The following DCLK1 variants were observed in gnomAD, a reference collection of about 807,000 sequenced individuals.
The protein encoded by DCLK1 is serine/threonine-protein kinase DCLK1.
In DCLK1, 16 loss-of-function variants were observed where a neutral mutation model predicts 86.2. That is an observed-to-expected ratio of 0.19 (90% confidence interval 0.13 to 0.28). The LOEUF is 0.28. DCLK1 is among the 10% of genes least tolerant of loss of function. The probability of loss-of-function intolerance (pLI) is 1.00; values close to 1 mark genes in which losing one functional copy is unlikely to be tolerated. For synonymous variants in DCLK1, 369 were observed against 370.5 expected (o/e 1.00, Z 0.05); for missense variants, 590 against 940.2 (o/e 0.63, Z 4.87).
intron 3 of DCLK1, among the ~76,000 whole-genome samples, chr13:35,975,905 A>G (rs887900428): frequency 8.5e-5 from 13 of 152,118 alleles, no homozygotes; most frequent in African/African-American, 3.1e-4. Context: ...TCCACAATGC[A>G]CTACCAGCTG....
At chr13:35,997,782 G>A (rs1052921137) in intron 3 of DCLK1, among the ~76,000 whole-genome samples, 1 of 152,140 alleles carries the variant, frequency 6.6e-6, no homozygotes, top group Non-Finnish European at 1.5e-5. Context: ...ATTAACTACT[G>A]GCAATTGCTT....
At chr13:36,075,316 A>T (rs763435874) in intron 3 of DCLK1, among the ~76,000 whole-genome samples, 1 of 152,234 alleles carries the variant, frequency 6.6e-6, no homozygotes, top group Non-Finnish European at 1.5e-5. Flanking sequence ...GTTCTGATAC[A>T]TAATTACTAT....
intron 3 of DCLK1, among the ~76,000 whole-genome samples, chr13:36,045,350 A>G (rs868364457): frequency 6.3e-5 from 7 of 110,698 alleles, no homozygotes; most frequent in African/African-American, 2.9e-4. Flanking sequence ...ATATATATAT[A>G]TATATATATA....
Position 36,112,174 on chromosome 13 carries a change from G to A in DCLK1, c.418C>T (p.Leu140=). 1 of 1,604,954 alleles carries A rather than the reference G, an allele frequency of 6.2e-7. No homozygotes were observed. ...GGGTTCACATTCTTGGTGTACTCCA[G>A]TTTCTTGAAGGGCTCTATGGAGCCA... ...VCGSIEPFKK[L]EYTKNVNPNW... Residue 140 remains leucine (L), a synonymous_variant, in exon 3 of 17, where the codon CTG becomes TTG. Transcript: ENST00000360631.
chr13:36,129,529 A>T (rs990926520), intron 1 of DCLK1, among the ~76,000 whole-genome samples: 2 of 152,210 alleles, frequency 1.3e-5, no homozygotes, highest in Non-Finnish European at 2.9e-5. Flanking sequence ...TCCACACCCT[A>T]GTGTGCTGGT....
intron 3 of DCLK1, among the ~76,000 whole-genome samples, chr13:36,107,824 T>G (rs1885454466): frequency 6.6e-6 from 1 of 152,184 alleles, no homozygotes; most frequent in Non-Finnish European, 1.5e-5. Context: ...ACTTTTAGTC[T>G]TATTTTAAGC....
At chr13:35,952,312 G>T (rs1309506585) in intron 3 of DCLK1, among the ~76,000 whole-genome samples, 1 of 152,136 alleles carries the variant, frequency 6.6e-6, no homozygotes, top group African/African-American at 2.4e-5. Flanking sequence ...TGGGAATAAG[G>T]ATTCTATCAG....
chr13:35,991,653 C>T (rs555249878), intron 3 of DCLK1, among the ~76,000 whole-genome samples: 1 of 152,030 alleles, frequency 6.6e-6, no homozygotes, highest in Non-Finnish European at 1.5e-5. Flanking sequence ...AACAGACAGA[C>T]CTTATCTCAA....
intron 3 of DCLK1, among the ~76,000 whole-genome samples, chr13:36,095,425 C>T (rs7321632): frequency 0.2 from 29,725 of 151,714 alleles, 3,939 homozygotes; most frequent in East Asian, 0.37. Context: ...AGGCTGGTCT[C>T]GAACTCCTGA....
At chr13:35,906,416 A>T (rs912840235) in intron 4 of DCLK1, among the ~76,000 whole-genome samples, 1 of 152,282 alleles carries the variant, frequency 6.6e-6, no homozygotes, top group South Asian at 2.1e-4. Context: ...TAAGAAATAA[A>T]TTTAAAGAGC....
At chr13:36,015,110 A>G (rs888949362) in intron 3 of DCLK1, among the ~76,000 whole-genome samples, 1 of 151,756 alleles carries the variant, frequency 6.6e-6, no homozygotes, top group African/African-American at 2.4e-5. Context: ...TTCATTCACC[A>G]ATATATTTCC....
intron 4 of DCLK1, among the ~76,000 whole-genome samples, chr13:35,944,376 T>C (rs987029982): frequency 6.6e-6 from 1 of 152,182 alleles, no homozygotes; most frequent in African/African-American, 2.4e-5. Flanking sequence ...TACCCACCGC[T>C]GACACCCCTT....
At chr13:36,045,405 A>C (rs1882874475) in intron 3 of DCLK1, among the ~76,000 whole-genome samples, 2 of 132,948 alleles carry the variant, frequency 1.5e-5, no homozygotes, top group African/African-American at 5.4e-5. Context: ...ACATCAGTGA[A>C]CTTTCCCCTA....
intron 3 of DCLK1, among the ~76,000 whole-genome samples, chr13:36,061,166 A>C (rs921582345): frequency 3.3e-5 from 5 of 152,128 alleles, no homozygotes; most frequent in African/African-American, 1.2e-4. Flanking sequence ...TTAAAACTGC[A>C]ATCAGCCGGG....
At chr13:36,006,266 T>C (rs1257640336) in intron 3 of DCLK1, among the ~76,000 whole-genome samples, 1 of 152,194 alleles carries the variant, frequency 6.6e-6, no homozygotes, top group Non-Finnish European at 1.5e-5. Flanking sequence ...ACAAGCACCT[T>C]TTCCAGGCAG....
chr13:35,833,806 T>C (rs910960853), intron 8 of DCLK1, among the ~76,000 whole-genome samples: 1 of 152,200 alleles, frequency 6.6e-6, no homozygotes, highest in African/African-American at 2.4e-5. Context: ...TGTTTTCTGA[T>C]ACCTCTGGGG....
intron 3 of DCLK1, among the ~76,000 whole-genome samples, chr13:36,088,568 T>A (rs901285800): frequency 6.6e-6 from 1 of 152,152 alleles, no homozygotes; most frequent in Non-Finnish European, 1.5e-5. Flanking sequence ...GAGAACTACA[T>A]CCTGGGAAAG....
chr13:36,008,123 T>C (rs1424748550), intron 3 of DCLK1, among the ~76,000 whole-genome samples: 2 of 147,518 alleles, frequency 1.4e-5, no homozygotes, highest in Non-Finnish European at 3.0e-5. Context: ...TTTTTAACAC[T>C]GAACTTCTCT....
At chr13:35,953,751 C>G (rs1320215315) in intron 3 of DCLK1, among the ~76,000 whole-genome samples, 1 of 152,302 alleles carries the variant, frequency 6.6e-6, no homozygotes, top group East Asian at 1.9e-4. Context: ...TTCCCCCTCA[C>G]TGGAATAAGA....
Sources: gnomAD v4.1 joint callset for allele counts (sites outside exome capture counted in the v4.1 genomes callset) on GRCh38, gnomAD v4.1.1 for gene constraint, MANE v1.5 for transcripts, NCBI Gene and HGNC (gene_info 2026-07-23, HGNC 2026-07-21) for gene names.